Variants in DHRS12 observed in about 807,000 individuals in gnomAD.
DHRS12 encodes dehydrogenase/reductase SDR family member 12.
DHRS12 carries 29 observed loss-of-function variants against 32.1 expected under a neutral mutation model. The observed-to-expected ratio is 0.90, with a 90% CI of 0.67 to 1.23. The LOEUF (loss-of-function observed/expected upper bound fraction) is 1.23. Ranked by LOEUF, DHRS12 falls within the 50% of genes most tolerant of loss-of-function variation. DHRS12 has a pLI of 0.00. For synonymous variants in DHRS12, 150 were observed against 135.9 expected (o/e 1.10, Z -0.72); for missense variants, 330 against 337.2 (o/e 0.98, Z 0.17).
the DHRS12 span, chr13:51,756,737 TTC>T: frequency 1.4e-6 from 1 of 712,516 alleles, no homozygotes; most frequent in Non-Finnish European, 1.7e-6. Flanking sequence ...GAACAAACCC[TTC>T]TGTCTGCTCA....
intron 2 of DHRS12, among the ~76,000 whole-genome samples, chr13:51,796,260 G>T (rs1261016604): frequency 6.6e-6 from 1 of 152,142 alleles, no homozygotes; most frequent in South Asian, 2.1e-4. Context: ...CTCTTCATAA[G>T]CAGGGAGGGA....
chr13:51,763,283 TATGAC>T (rs1023160811), downstream of DHRS12: 13 of 152,308 alleles, frequency 8.5e-5, no homozygotes, highest in African/African-American at 3.1e-4. Context: ...CGAAAGCATA[TATGAC>T]AGTTTTTTTG....
At chr13:51,759,997 A>C in the DHRS12 span, 1 of 495,736 alleles carries the variant, frequency 2.0e-6, no homozygotes. Flanking sequence ...TTTTTTTAAC[A>C]AATGGTTTAT....
rs764013402 is a variant in DHRS12 at position 51,799,561 on chromosome 13, C to T, written c.99G>A (p.Lys33=). The T allele has an allele frequency of 1.2e-6, 2 of 1,613,984 alleles. No individual in the cohort carries two copies. The highest frequency in any genetic ancestry group is 4.5e-5 in the East Asian group (2 of 44,888). The change falls in exon 2 of 9, where the codon AAG becomes AAA. Residue 33 remains lysine, a synonymous_variant. Coordinates refer to ENST00000444610, the MANE Select transcript of DHRS12 (RefSeq NM_001377533.1). ...CGCTTGGCGATTTCAAGGGCAGTTG[C>T]TTTGCCAATGCCGCTGTTTCCTCCA... ...WSLEETAALA[K]QLPLKSPSEN...
intron 6 of DHRS12, chr13:51,772,628 A>T (rs963646646): frequency 6.6e-5 from 65 of 985,306 alleles, no homozygotes; most frequent in Non-Finnish European, 7.7e-5. Flanking sequence ...AGAGTGTAGC[A>T]AATGTACTAG....
intron 4 of DHRS12, among the ~76,000 whole-genome samples, chr13:51,785,332 G>C (rs572618707): frequency 6.6e-6 from 1 of 151,712 alleles, no homozygotes; most frequent in East Asian, 1.9e-4. Context: ...CGTTTTCAAA[G>C]AATTGGAATG....
At chr13:51,771,549 T>C (rs1213617925) in intron 7 of DHRS12, 4 of 1,604,600 alleles carry the variant, frequency 2.5e-6, no homozygotes, top group Non-Finnish European at 3.4e-6. Context: ...GGATATGCTG[T>C]AGTTAGCAGG....
At chr13:51,777,563 A>AT (rs2139048686) in intron 4 of DHRS12, among the ~76,000 whole-genome samples, 1 of 152,312 alleles carries the variant, frequency 6.6e-6, no homozygotes, top group African/African-American at 2.4e-5. Flanking sequence ...GGATTTGAGT[A>AT]TTTTTACAAT....
Position 51,777,092 on chromosome 13 carries a change from GGATCA to G in DHRS12, c.326_330del (p.Leu109ProfsTer28), listed in dbSNP as rs1266606255. On this transcript the variant is annotated frameshift_variant, in exon 5 of 9. Coordinates refer to ENST00000444610, the MANE Select transcript of DHRS12 (RefSeq NM_001377533.1). LOFTEE classifies it high-confidence loss of function. ...GGGTCGTGTTCTTTCTCCAGCACAG[GGATCA>G]GGCCGGTCGTGAGAATGTACACACC... 67 of 1,613,988 alleles carry G rather than the reference GGATCA, an allele frequency of 4.2e-5. 1 individual carries two copies. The Admixed American group carries it at 1.1e-3, about 27-fold the overall frequency.
chr13:51,787,985 C>G (rs1005162968), intron 4 of DHRS12, among the ~76,000 whole-genome samples: 1 of 144,982 alleles, frequency 6.9e-6, no homozygotes, highest in East Asian at 2.0e-4. Context: ...ACTCGTGGCC[C>G]GGCCGCAGCG....
rs762625943 is a variant in DHRS12, at chr13:51,799,536, C to T, written c.124G>A (p.Glu42Lys). Residue 42 changes from glutamate (E) to lysine (K), a missense_variant and splice_region_variant, in exon 2 of 9, where the codon GAG (glutamate) becomes AAG (lysine). By Grantham distance (56) the Glu-to-Lys change is moderately conservative. Coordinates refer to ENST00000444610, the MANE Select transcript of DHRS12 (RefSeq NM_001377533.1). ...AKQLPLKSPSENIFLHIVDLS... is the reference protein window; with the variant it reads ...AKQLPLKSPSKNIFLHIVDLS... The stretch of plus-strand genomic sequence containing the variant: ...CACACGTGTTAGCAGCTGCTTACCT[C>T]GCTTGGCGATTTCAAGGGCAGTTGC... The T allele has an allele frequency of 1.9e-5, 31 of 1,613,206 alleles. No individual in the cohort carries two copies. The highest frequency in any genetic ancestry group is 1.1e-4 in the East Asian group (5 of 44,894).
At chr13:51,755,956 T>C in the DHRS12 span, among the ~76,000 whole-genome samples, 6 of 152,124 alleles carry the variant, frequency 3.9e-5, no homozygotes, top group Admixed American at 6.5e-5. Context: ...CAATCAGGTT[T>C]CCTGCATGTT....
At chr13:51,761,137 A>G in the DHRS12 span, 1 of 152,154 alleles carries the variant, frequency 6.6e-6, no homozygotes, top group Non-Finnish European at 1.5e-5. Flanking sequence ...CACTTTGCAC[A>G]CTTTCTTACT....
At chr13:51,803,690 G>A in intron 1 of DHRS12, 2 of 184,122 alleles carry the variant, frequency 1.1e-5, no homozygotes, top group Middle Eastern at 2.1e-3. Context: ...ATCTGACGCC[G>A]CCAGCAGCAC....
the DHRS12 span, among the ~76,000 whole-genome samples, chr13:51,759,221 C>T: frequency 6.6e-6 from 1 of 152,130 alleles, no homozygotes; most frequent in African/African-American, 2.4e-5. Context: ...CTCTGGCAGC[C>T]TCAGGTCCTT....
chr13:51,771,467 T>C (rs759286740), intron 7 of DHRS12: 6 of 1,614,082 alleles, frequency 3.7e-6, no homozygotes. Flanking sequence ...CCTCTCCCAC[T>C]ACCTTCCTCA....
At chr13:51,800,341 A>G (rs1158539670) in intron 1 of DHRS12, among the ~76,000 whole-genome samples, 1 of 152,242 alleles carries the variant, frequency 6.6e-6, no homozygotes, top group African/African-American at 2.4e-5. Context: ...GGATAGATGC[A>G]ATTGTGAGTT....
the DHRS12 span, chr13:51,760,872 T>C: frequency 6.6e-6 from 1 of 152,280 alleles, no homozygotes; most frequent in Non-Finnish European, 1.5e-5. Context: ...TGCCCACTGC[T>C]CACGTCTGAT....
intron 7 of DHRS12, 44 bp downstream of exon 7, chr13:51,771,777 T>C (rs1423997243): frequency 5.0e-6 from 8 of 1,605,644 alleles, no homozygotes; most frequent in Non-Finnish European, 1.7e-6. Context: ...CAGGTATTTT[T>C]AGATGAAACG....
Sources: gnomAD v4.1 joint callset for allele counts (sites outside exome capture counted in the v4.1 genomes callset) on GRCh38, gnomAD v4.1.1 for gene constraint, MANE v1.5 for transcripts, NCBI Gene and HGNC (gene_info 2026-07-23, HGNC 2026-07-21) for gene names.